The following VIPR2 variants were observed in gnomAD, a reference collection of about 807,000 sequenced individuals.
The protein encoded by VIPR2 is vasoactive intestinal polypeptide receptor 2.
A neutral mutation model predicts 58.0 loss-of-function variants in VIPR2; 48 were observed. The ratio of observed to expected loss-of-function variants is 0.83; its 90% CI spans 0.66 to 1.05. VIPR2 has a LOEUF of 1.05. VIPR2 is among the 50% of genes least tolerant of loss of function. VIPR2 has a pLI of 0.00. For synonymous variants in VIPR2, 243 were observed against 235.2 expected (o/e 1.03, Z -0.30); for missense variants, 534 against 558.0 (o/e 0.96, Z 0.43).
intron 2 of VIPR2, among the ~76,000 whole-genome samples, chr7:159,116,706 C>T (rs1796249772): frequency 6.7e-6 from 1 of 148,900 alleles, no homozygotes; most frequent in African/African-American, 2.4e-5. Context: ...GCTGCTTGAA[C>T]AAGTTCTTAC....
chr7:159,062,297 G>A (rs1440064564), intron 4 of VIPR2, among the ~76,000 whole-genome samples: 1 of 152,210 alleles, frequency 6.6e-6, no homozygotes, highest in Non-Finnish European at 1.5e-5. Flanking sequence ...TCCTGGCGAG[G>A]TGTTCGTAAT....
At chr7:159,131,988 A>G (rs182011160) in intron 2 of VIPR2, among the ~76,000 whole-genome samples, 2 of 152,390 alleles carry the variant, frequency 1.3e-5, no homozygotes, top group African/African-American at 4.8e-5. Flanking sequence ...CCAATGGGAC[A>G]GAACAAATAA....
intron 2 of VIPR2, among the ~76,000 whole-genome samples, chr7:159,135,421 G>A (rs368380760): frequency 3.3e-5 from 5 of 151,746 alleles, no homozygotes; most frequent in African/African-American, 4.8e-5. Context: ...GACAGAGTGC[G>A]TGAGGCTCCG....
chr7:159,142,341 T>TTC (rs1554522243), intron 2 of VIPR2, 105 bp downstream of exon 2: 3 of 806,952 alleles, frequency 3.7e-6, no homozygotes, highest in Non-Finnish European at 6.0e-6. Context: ...CTTTTTCTTT[T>TTC]TTTTTTTTTA....
intron 3 of VIPR2, among the ~76,000 whole-genome samples, chr7:159,106,060 G>C (rs1370111330): frequency 6.6e-6 from 1 of 152,138 alleles, no homozygotes; most frequent in African/African-American, 2.4e-5. Flanking sequence ...TGAGCGATGG[G>C]CCAAGCGCCA....
At chr7:159,118,022 G>T (rs1796307120) in intron 2 of VIPR2, among the ~76,000 whole-genome samples, 1 of 152,176 alleles carries the variant, frequency 6.6e-6, no homozygotes. Context: ...CCAGAATCTG[G>T]GCAGAGCAGG....
intron 2 of VIPR2, among the ~76,000 whole-genome samples, chr7:159,122,185 A>T (rs1796478546): frequency 6.6e-6 from 1 of 152,248 alleles, no homozygotes. Context: ...TGGCAGGATC[A>T]TGCACTGGGA....
chr7:159,065,038 C>T (rs1421717649), intron 4 of VIPR2, among the ~76,000 whole-genome samples: 1 of 152,200 alleles, frequency 6.6e-6, no homozygotes, highest in East Asian at 1.9e-4. Context: ...CACTGCACCG[C>T]TCTCTGAAAG....
intron 4 of VIPR2, among the ~76,000 whole-genome samples, chr7:159,075,665 C>T (rs1563300527): frequency 6.6e-6 from 1 of 150,694 alleles, no homozygotes; most frequent in Non-Finnish European, 1.5e-5. Flanking sequence ...GGACCTGCCA[C>T]ATCAGGGAGT....
At position 159,030,512 on chromosome 7, in the gene VIPR2, C is replaced by T; in HGVS notation, c.*104G>A. 1 of 1,406,994 alleles carries T rather than the reference C, an allele frequency of 7.1e-7. No individual in the cohort carries two copies. The allele number at this position is 1,406,994 out of a possible 1,614,324, so 87.2% of individuals were successfully genotyped here. A position where few individuals can be genotyped will look rare whatever the true frequency, so the allele number is the denominator to read the frequency against. On this transcript the variant is annotated 3_prime_UTR_variant, in exon 13 of 13. Coordinates refer to ENST00000262178, the MANE Select transcript of VIPR2 (RefSeq NM_003382.5). ...ACGGAGTCAGGACCGCGCTGACCTG[C>T]CCGACACGGTGCTCGGGCATCTGGA... is the stretch of plus-strand genomic sequence containing the variant.
At chr7:159,121,281 C>T (rs1318296626) in intron 2 of VIPR2, among the ~76,000 whole-genome samples, 2 of 151,534 alleles carry the variant, frequency 1.3e-5, no homozygotes, top group African/African-American at 2.4e-5. Context: ...CTGCACGAGT[C>T]GGCTCCCAGG....
intron 4 of VIPR2, among the ~76,000 whole-genome samples, chr7:159,064,713 C>T (rs1308528792): frequency 1.3e-5 from 2 of 152,152 alleles, no homozygotes; most frequent in South Asian, 2.1e-4. Flanking sequence ...AGTCCTGAGG[C>T]GCATCCAGGG....
intron 4 of VIPR2, among the ~76,000 whole-genome samples, chr7:159,088,863 CAT>C: frequency 1.4e-5 from 1 of 70,774 alleles, no homozygotes; most frequent in Non-Finnish European, 3.8e-5. Flanking sequence ...CTCAGCTCCT[CAT>C]CTGGGGAATG....
intron 4 of VIPR2, among the ~76,000 whole-genome samples, chr7:159,102,373 T>C (rs1858353033): frequency 6.6e-6 from 1 of 152,252 alleles, no homozygotes; most frequent in Non-Finnish European, 1.5e-5. Flanking sequence ...GCCATGATTT[T>C]GAGGCCTCCT....
At chr7:159,141,898 C>G (rs542251613) in intron 2 of VIPR2, among the ~76,000 whole-genome samples, 20 of 152,344 alleles carry the variant, frequency 1.3e-4, no homozygotes, top group African/African-American at 3.8e-4. Flanking sequence ...AGTCTATAAA[C>G]AGGTTGATAG....
At chr7:159,105,587 G>A (rs146119050) in intron 3 of VIPR2, among the ~76,000 whole-genome samples, 11 of 152,114 alleles carry the variant, frequency 7.2e-5, no homozygotes, top group African/African-American at 2.4e-4. Context: ...ACTGGTCTCA[G>A]CAAGGCCTCA....
chr7:159,036,865 C>T lies in VIPR2; in HGVS notation c.635G>A (p.Cys212Tyr), dbSNP rs752122787. 3.8e-5 allele frequency: 62 copies of T among 1,613,736 alleles called. No homozygotes were observed. The highest frequency in any genetic ancestry group is 5.2e-5 in the Non-Finnish European group (61 of 1,179,904). The change falls in exon 7 of 13, where the codon TGC (cysteine) becomes TAC (tyrosine). Residue 212 changes from cysteine (C) to tyrosine (Y), a missense_variant. Cys to Tyr is a radical substitution (Grantham distance 194, BLOSUM62 -2). Coordinates refer to ENST00000262178, the MANE Select transcript of VIPR2 (RefSeq NM_003382.5). ...CKLSLVFLQYCIMANFFWLLV... is the reference protein window; with the variant it reads ...CKLSLVFLQYYIMANFFWLLV... ...CAGCCAGAAGAAGTTGGCCATGATG[C>T]AGTACTGCAGGAAGACCAGGCTCAG... is the stretch of plus-strand genomic sequence containing the variant.
At chr7:159,144,387 A>T in intron 1 of VIPR2, 1 of 1,543,286 alleles carries the variant, frequency 6.5e-7, no homozygotes, top group South Asian at 1.2e-5. Context: ...AGGCGCCCGC[A>T]GCTCCCAGCT....
intron 5 of VIPR2, among the ~76,000 whole-genome samples, chr7:159,044,773 T>G (rs1854549405): frequency 6.7e-6 from 1 of 150,216 alleles, no homozygotes; most frequent in South Asian, 2.1e-4. Context: ...CAAAGCAGGT[T>G]TTTTTTTTTG....
Sources: allele counts gnomAD v4.1 joint callset (sites outside exome capture counted in the v4.1 genomes callset), GRCh38; gene constraint gnomAD v4.1.1; transcripts MANE v1.5; gene names NCBI Gene and HGNC (gene_info 2026-07-23, HGNC 2026-07-21).